Variants in GFOD1 observed in about 807,000 individuals in gnomAD.
GFOD1 encodes Gfo/Idh/MocA-like oxidoreductase domain containing 1.
A neutral mutation model predicts 25.4 loss-of-function variants in GFOD1; 9 were observed. The observed-to-expected ratio is 0.35, with a 90% CI of 0.21 to 0.62. The LOEUF (loss-of-function observed/expected upper bound fraction) is 0.62. Ranked by LOEUF, GFOD1 falls within the 20% of genes least tolerant of loss-of-function variation. The pLI, the probability that GFOD1 is intolerant of heterozygous loss-of-function variation, is 0.72. For missense variants in GFOD1, 403 were observed against 556.9 expected, an observed-to-expected ratio of 0.72 and a Z score of 2.78; for synonymous variants, 253 against 245.6, an observed-to-expected ratio of 1.03 and a Z score of -0.28.
intron 1 of GFOD1, among the ~76,000 whole-genome samples, chr6:13,410,428 G>T (rs1003753951): frequency 1.2e-4 from 18 of 151,984 alleles, no homozygotes; most frequent in African/African-American, 2.9e-4. Flanking sequence ...TTAGCTGGGG[G>T]TGGTGGTGCA....
intron 1 of GFOD1, among the ~76,000 whole-genome samples, chr6:13,439,085 G>C (rs1432566865): frequency 6.6e-6 from 1 of 152,072 alleles, no homozygotes; most frequent in Non-Finnish European, 1.5e-5. Context: ...GGATTAACTG[G>C]TCTAGATGTA....
rs188746537 is a variant in GFOD1, at chr6:13,449,733, C to T, written c.253+36905G>A. 4.7e-3 allele frequency among the ~76,000 whole-genome samples: 710 copies of T among 152,274 alleles called. 1 individual carries two copies. Among genetic ancestry groups the T allele is most frequent in the Middle Eastern group, 0.01 (3 of 294 alleles). On this transcript the variant is annotated intron_variant, in intron 1 of 1. Transcript: ENST00000379287. ...TTGGCTCTCATTCTCTTTTGCCTGC[C>T]ACCATGTAAGATGTGCCTTTTGCCG... is the stretch of plus-strand genomic sequence containing the variant.
At position 13,486,873 on chromosome 6, in the gene GFOD1, G is replaced by A; in HGVS notation, c.18C>T (p.Gly6=). ...GGGCCGTGAGGCTGGTGCCGAACAC[G>A]CCCACCCCGGGAAGCATGGCTGCTC... MLPGV[G]VFGTSLTARV... is the part of the protein sequence containing the mutation. The change falls in exon 1 of 2, where the codon GGC becomes GGT. Residue 6 remains glycine (G), a synonymous_variant. Coordinates refer to ENST00000379287, the MANE Select transcript of GFOD1 (RefSeq NM_018988.4). 1 of 1,610,950 alleles carries A rather than the reference G, an allele frequency of 6.2e-7. No homozygotes were observed. Among genetic ancestry groups the A allele is most frequent in the Non-Finnish European group, 8.5e-7 (1 of 1,179,976 alleles).
At chr6:13,436,792 T>C (rs1757839508) in intron 1 of GFOD1, among the ~76,000 whole-genome samples, 1 of 152,234 alleles carries the variant, frequency 6.6e-6, no homozygotes, top group Admixed American at 6.5e-5. Flanking sequence ...CCATTTCGTA[T>C]ATGAGAAAAT....
intron 1 of GFOD1, among the ~76,000 whole-genome samples, chr6:13,378,919 A>T (rs1785306841): frequency 6.7e-6 from 1 of 150,198 alleles, no homozygotes; most frequent in Non-Finnish European, 1.5e-5. Flanking sequence ...AGCCAGAAGC[A>T]GAGGGAAACA....
At chr6:13,405,487 G>T (rs1418416424) in intron 1 of GFOD1, among the ~76,000 whole-genome samples, 1 of 152,168 alleles carries the variant, frequency 6.6e-6, no homozygotes, top group African/African-American at 2.4e-5. Context: ...TCTTAATTTG[G>T]ACTGGCTCAA....
chr6:13,486,162 G>T (rs1306992729), intron 1 of GFOD1: 6 of 989,312 alleles, frequency 6.1e-6, no homozygotes, highest in Non-Finnish European at 6.0e-6. Flanking sequence ...CCCGACACAC[G>T]TGTGCGGCCT....
intron 1 of GFOD1, among the ~76,000 whole-genome samples, chr6:13,451,664 C>G (rs1758101613): frequency 6.6e-6 from 1 of 152,212 alleles, no homozygotes; most frequent in Non-Finnish European, 1.5e-5. Flanking sequence ...AAACAGGATG[C>G]ACCATCATCT....
At chr6:13,408,024 A>T (rs1785979316) in intron 1 of GFOD1, 1 of 985,164 alleles carries the variant, frequency 1.0e-6, no homozygotes, top group Non-Finnish European at 1.2e-6. Flanking sequence ...AGAAAACTAT[A>T]ATCTGGTGAA....
At chr6:13,372,197 G>A (rs1025011378) in intron 1 of GFOD1, among the ~76,000 whole-genome samples, 8 of 152,218 alleles carry the variant, frequency 5.3e-5, no homozygotes, top group African/African-American at 1.7e-4. Context: ...AATGAGATCC[G>A]TGGGAAACTT....
At chr6:13,401,230 G>T (rs181971775) in intron 1 of GFOD1, among the ~76,000 whole-genome samples, 2 of 152,314 alleles carry the variant, frequency 1.3e-5, no homozygotes, top group Admixed American at 1.3e-4. Context: ...AAACGGAGGA[G>T]ACTTGAAAGG....
At chr6:13,370,639 GTTC>G (rs1348713305) in intron 1 of GFOD1, among the ~76,000 whole-genome samples, 1 of 151,888 alleles carries the variant, frequency 6.6e-6, no homozygotes, top group Admixed American at 6.6e-5. Flanking sequence ...CTATCAAAAG[GTTC>G]TTGCTAAAGG....
At chr6:13,378,679 T>C (rs1233190654) in intron 1 of GFOD1, among the ~76,000 whole-genome samples, 1 of 152,142 alleles carries the variant, frequency 6.6e-6, no homozygotes, top group Non-Finnish European at 1.5e-5. Context: ...ACCTCTCATC[T>C]CAGCCAAAGG....
chr6:13,480,489 T>C (rs139940572), intron 1 of GFOD1, among the ~76,000 whole-genome samples: 35 of 152,348 alleles, frequency 2.3e-4, no homozygotes, highest in Non-Finnish European at 3.8e-4. Flanking sequence ...ATAGAAATTC[T>C]GAATCTCAGG....
intron 1 of GFOD1, among the ~76,000 whole-genome samples, chr6:13,468,536 T>C (rs1177083105): frequency 6.6e-6 from 1 of 152,222 alleles, no homozygotes; most frequent in Non-Finnish European, 1.5e-5. Context: ...GTTTTCTTCA[T>C]TGTTGGAAAA....
intron 1 of GFOD1, among the ~76,000 whole-genome samples, chr6:13,406,250 C>T (rs1282811440): frequency 1.3e-5 from 2 of 152,194 alleles, no homozygotes; most frequent in South Asian, 2.1e-4. Context: ...ATTGCTTTCA[C>T]GTCTGCTCCC....
intron 1 of GFOD1, among the ~76,000 whole-genome samples, chr6:13,401,387 G>T (rs73725806): frequency 1.4e-5 from 1 of 73,954 alleles, no homozygotes. Context: ...ATTGTCATGG[G>T]TCCAGTAGTG....
intron 1 of GFOD1, among the ~76,000 whole-genome samples, chr6:13,475,585 A>G (rs9357740): frequency 0.98 from 146,712 of 149,406 alleles, 72,090 homozygotes; most frequent in Middle Eastern, 1. Flanking sequence ...AGGTGTGGTG[A>G]CGGATGCCTG....
At chr6:13,446,574 CCT>C (rs1414006114) in intron 1 of GFOD1, among the ~76,000 whole-genome samples, 1 of 152,196 alleles carries the variant, frequency 6.6e-6, no homozygotes, top group Non-Finnish European at 1.5e-5. Context: ...ACTCTGGCCA[CCT>C]GCTAATCCTA....
Sources: gnomAD v4.1 joint callset for allele counts (sites outside exome capture counted in the v4.1 genomes callset) on GRCh38, gnomAD v4.1.1 for gene constraint, MANE v1.5 for transcripts, NCBI Gene and HGNC (gene_info 2026-07-23, HGNC 2026-07-21) for gene names.